Variants in SATB2 observed in about 807,000 individuals in gnomAD.
SATB2 encodes the protein DNA-binding protein SATB2.
In SATB2, 1 loss-of-function variant was observed where a neutral mutation model predicts 73.4. The observed-to-expected ratio is 0.01, with a 90% CI of 0.00 to 0.06. The LOEUF (loss-of-function observed/expected upper bound fraction) is 0.06. SATB2 is among the 10% of genes least tolerant of loss of function. The probability of loss-of-function intolerance (pLI) is 1.00; values close to 1 mark genes in which losing one functional copy is unlikely to be tolerated. For missense variants in SATB2, 459 were observed against 945.8 expected (o/e 0.49, Z 6.75); for synonymous variants, 397 against 367.0 (o/e 1.08, Z -0.93).
At chr2:199,460,215 C>T (rs1692444215), upstream of SATB2, among the ~76,000 whole-genome samples, 1 of 151,816 alleles carries the variant, frequency 6.6e-6, no homozygotes, top group African/African-American at 2.4e-5. The surrounding 1 kb of genome is among the most constrained non-coding windows in gnomAD (Gnocchi z 4.0). Context: ...TCGGTGAGAG[C>T]AAAAATGGGT....
At chr2:199,458,704 C>A (rs1299665902), upstream of SATB2, 3 of 443,164 alleles carry the variant, frequency 6.8e-6, no homozygotes, top group East Asian at 2.4e-4. Context: ...GCTCTGTTAA[C>A]TGCGCGGAGT....
intron 3 of SATB2, among the ~76,000 whole-genome samples, chr2:199,400,612 TATA>T (rs1690442332): frequency 1.3e-5 from 2 of 152,328 alleles, no homozygotes; most frequent in East Asian, 3.9e-4. Context: ...AGACAATGAT[TATA>T]ATATCATGAA....
chr2:199,299,990 A>G (rs911097946), intron 10 of SATB2, among the ~76,000 whole-genome samples: 90 of 152,150 alleles, frequency 5.9e-4, no homozygotes, highest in Non-Finnish European at 1.2e-3. Flanking sequence ...GAAGGGAAAG[A>G]AGGATGCATT....
At chr2:199,367,569 A>G (rs1310342350) in intron 6 of SATB2, among the ~76,000 whole-genome samples, 2 of 152,192 alleles carry the variant, frequency 1.3e-5, no homozygotes, top group Non-Finnish European at 2.9e-5. Flanking sequence ...ATCTGCAAGT[A>G]GTAAAAGAAA....
intron 3 of SATB2, among the ~76,000 whole-genome samples, chr2:199,385,508 C>T (rs1689906509): frequency 1.3e-5 from 2 of 152,118 alleles, no homozygotes; most frequent in Admixed American, 6.6e-5. Context: ...ATTTTCTGCA[C>T]CACCAAATCT....
chr2:199,434,382 T>C (rs973112438), intron 2 of SATB2, among the ~76,000 whole-genome samples: 1 of 152,232 alleles, frequency 6.6e-6, no homozygotes, highest in Non-Finnish European at 1.5e-5. Flanking sequence ...AATATTTCTC[T>C]GCTTTGTATC....
At chr2:199,346,351 T>A (rs532826055) in intron 7 of SATB2, among the ~76,000 whole-genome samples, 13 of 152,204 alleles carry the variant, frequency 8.5e-5, no homozygotes, top group African/African-American at 3.1e-4. Context: ...GGTTTCACCA[T>A]GTTGGCCAGG....
intron 10 of SATB2, among the ~76,000 whole-genome samples, chr2:199,299,069 T>G (rs1687205797): frequency 6.6e-6 from 1 of 152,138 alleles, no homozygotes; most frequent in African/African-American, 2.4e-5. Flanking sequence ...TAACGATGAA[T>G]TAGCCCATAC....
intron 2 of SATB2, among the ~76,000 whole-genome samples, chr2:199,452,997 G>A (rs1692173757): frequency 2.6e-5 from 4 of 152,024 alleles, no homozygotes; most frequent in Admixed American, 2.6e-4. Context: ...CAACCTTAAA[G>A]ACAGTGACAG....
rs553773214 is a variant in SATB2 at position 199,327,156 on chromosome 2, T to C, written c.1386+1542A>G. ...CAGCTTTGTATAAATGTATATCCAT[T>C]AGGTCGGGCACGGTGGCTCATGCCT... On this transcript the variant is annotated intron_variant, in intron 8 of 10. Transcript: ENST00000417098. Among the ~76,000 whole-genome samples the C allele has an allele frequency of 3.3e-5, 5 of 152,260 alleles. No individual in the cohort carries two copies. In the South Asian group the frequency reaches 1.0e-3, roughly 32 times the overall value.
At chr2:199,368,312 T>C (rs945994134) in intron 6 of SATB2, among the ~76,000 whole-genome samples, 5 of 152,194 alleles carry the variant, frequency 3.3e-5, no homozygotes, top group Non-Finnish European at 7.3e-5. Flanking sequence ...AGTGCTGATT[T>C]AACCTAGAAT....
intron 9 of SATB2, among the ~76,000 whole-genome samples, chr2:199,311,980 T>G (rs1009779665): frequency 2.0e-5 from 3 of 152,052 alleles, no homozygotes; most frequent in African/African-American, 7.2e-5. Context: ...GTCCCCATAT[T>G]GGGATTTTTT....
At chr2:199,315,297 A>T (rs1293031598) in intron 9 of SATB2, among the ~76,000 whole-genome samples, 1 of 152,108 alleles carries the variant, frequency 6.6e-6, no homozygotes, top group Non-Finnish European at 1.5e-5. Flanking sequence ...ATTTTAAAAG[A>T]TTAAAATATT....
chr2:199,313,647 A>G lies in SATB2; in HGVS notation c.1543-4690T>C, dbSNP rs139850759. Among the ~76,000 whole-genome samples the G allele has an allele frequency of 8.7e-3, 1,324 of 152,310 alleles. 18 individuals are homozygous for G. Among genetic ancestry groups the G allele is most frequent in the African/African-American group, 0.029 (1,226 of 41,562 alleles). On this transcript the variant is annotated intron_variant, in intron 9 of 10. Transcript: ENST00000417098. ...AGTGTTCCTGAAAAGTTGCATATCA[A>G]TTTACATTTACAAAGCAAATCACAT...
intron 3 of SATB2, chr2:199,396,145 G>A (rs902316608): frequency 4.6e-5 from 7 of 152,284 alleles, no homozygotes; most frequent in African/African-American, 1.7e-4. Context: ...TCTGCAGATA[G>A]GGCCCAATTT....
intron 7 of SATB2, among the ~76,000 whole-genome samples, chr2:199,336,269 T>TA (rs2105806335): frequency 6.6e-6 from 1 of 152,264 alleles, no homozygotes; most frequent in South Asian, 2.1e-4. Flanking sequence ...GTTTTACTAG[T>TA]AGTGTTCTTC....
intron 10 of SATB2, among the ~76,000 whole-genome samples, chr2:199,286,757 A>G (rs1692700643): frequency 6.6e-6 from 1 of 152,202 alleles, no homozygotes; most frequent in Non-Finnish European, 1.5e-5. Flanking sequence ...GCACAGATTA[A>G]AGTGTCTTTA....
intron 3 of SATB2, among the ~76,000 whole-genome samples, chr2:199,406,447 CT>C (rs757233677): frequency 6.6e-5 from 10 of 151,986 alleles, no homozygotes; most frequent in Non-Finnish European, 1.3e-4. Flanking sequence ...AAATATCTAA[CT>C]TTGTGAGAAA....
chr2:199,394,747 A>G (rs969880884), intron 3 of SATB2, among the ~76,000 whole-genome samples: 1 of 152,172 alleles, frequency 6.6e-6, no homozygotes, highest in Non-Finnish European at 1.5e-5. Context: ...AAATAAATAA[A>G]TATAGACAAA....
Sources: allele counts gnomAD v4.1 joint callset (sites outside exome capture counted in the v4.1 genomes callset), GRCh38; gene constraint gnomAD v4.1.1; non-coding constraint Gnocchi (gnomAD v3.1); transcripts MANE v1.5; gene names NCBI Gene and HGNC (gene_info 2026-07-23, HGNC 2026-07-21).